SENP5: variants seen among roughly 807,000 people sequenced by gnomAD.
SENP5 encodes the protein SUMO specific peptidase 5.
Under a neutral mutation model 74.2 loss-of-function variants are expected in SENP5, and 21 were observed. The ratio of observed to expected loss-of-function variants is 0.28; its 90% CI spans 0.20 to 0.41. The LOEUF (loss-of-function observed/expected upper bound fraction) is 0.41, where lower values mean the gene tolerates loss of function less well. Ranked by LOEUF, SENP5 falls within the 10% of genes least tolerant of loss-of-function variation. SENP5 has a pLI of 1.00. For missense variants in SENP5, 717 were observed against 889.1 expected, an observed-to-expected ratio of 0.81 and a Z score of 2.46; for synonymous variants, 311 against 312.7, an observed-to-expected ratio of 0.99 and a Z score of 0.06.
chr3:196,929,986 A>AG (rs1560163680), intron 9 of SENP5, among the ~76,000 whole-genome samples: 1,225 of 98,706 alleles, frequency 0.012, 17 homozygotes, highest in African/African-American at 0.045. Context: ...TGGCATTTGC[A>AG]TAAAAAAAAA....
chr3:196,873,563 G>A (rs1474352767), intron 1 of SENP5, among the ~76,000 whole-genome samples: 6 of 151,924 alleles, frequency 3.9e-5, no homozygotes, highest in African/African-American at 9.7e-5. Context: ...CTTGGCAGCC[G>A]GGCGTGGTGG....
intron 2 of SENP5, among the ~76,000 whole-genome samples, chr3:196,887,184 A>G (rs1467408517): frequency 6.7e-6 from 1 of 148,902 alleles, no homozygotes; most frequent in Non-Finnish European, 1.5e-5. Flanking sequence ...TCCTTTGCCT[A>G]TTTTTCTTTT....
At chr3:196,895,190 CTTTTTT>C (rs35820067) in intron 2 of SENP5, among the ~76,000 whole-genome samples, 2 of 123,096 alleles carry the variant, frequency 1.6e-5, no homozygotes. Flanking sequence ...CTTTTAACTT[CTTTTTT>C]TTTTTTTTTT....
chr3:196,926,894 T>C (rs1715834967), intron 7 of SENP5, among the ~76,000 whole-genome samples: 1 of 152,154 alleles, frequency 6.6e-6, no homozygotes, highest in African/African-American at 2.4e-5. Flanking sequence ...TCCACCTGCC[T>C]CAGCCACCCA....
At chr3:196,918,953 A>C (rs1303073461) in intron 6 of SENP5, among the ~76,000 whole-genome samples, 1 of 140,200 alleles carries the variant, frequency 7.1e-6, no homozygotes, top group Non-Finnish European at 1.5e-5. Context: ...AAAAGGTCAG[A>C]CAATATAAAA....
chr3:196,894,803 G>T (rs1714371932), intron 2 of SENP5, among the ~76,000 whole-genome samples: 1 of 151,786 alleles, frequency 6.6e-6, no homozygotes, highest in Non-Finnish European at 1.5e-5. Flanking sequence ...TCACATTTTT[G>T]TCCCAAGGTA....
intron 1 of SENP5, among the ~76,000 whole-genome samples, chr3:196,881,896 GTTTTTTTT>G (rs11385462): frequency 2.3e-4 from 25 of 109,184 alleles, no homozygotes; most frequent in Admixed American, 4.3e-4. Context: ...GATAGTATTA[GTTTTTTTT>G]TTTTTTTTTT....
chr3:196,885,345 G>A lies in SENP5; in HGVS notation c.164G>A (p.Arg55Lys). The A allele has an allele frequency of 6.2e-7, 1 of 1,614,188 alleles. No individual in the cohort carries two copies. Among genetic ancestry groups the A allele is most frequent in the Non-Finnish European group, 8.5e-7 (1 of 1,180,028 alleles). The change falls in exon 2 of 10, where the codon AGA (arginine) becomes AAA (lysine). Residue 55 changes from arginine (R) to lysine (K), a missense_variant. Coordinates refer to ENST00000323460, the MANE Select transcript of SENP5 (RefSeq NM_152699.5). ...GRPVTWNRQLRHFQGRKKALQ... is the reference protein window; with the variant it reads ...GRPVTWNRQLKHFQGRKKALQ... ...CCAGTTACTTGGAATAGACAGTTGA[G>A]ACATTTCCAGGGTAGAAAGAAAGCT... is the stretch of plus-strand genomic sequence containing the variant.
chr3:196,909,067 A>C (rs894432910), intron 6 of SENP5, among the ~76,000 whole-genome samples: 1 of 152,208 alleles, frequency 6.6e-6, no homozygotes, highest in Non-Finnish European at 1.5e-5. Context: ...ATAAAAAATG[A>C]TAAAGGGGAT....
intron 2 of SENP5, among the ~76,000 whole-genome samples, chr3:196,889,591 T>C (rs1039957637): frequency 8.5e-5 from 13 of 152,128 alleles, no homozygotes; most frequent in African/African-American, 3.1e-4. Context: ...CTAAAGAATA[T>C]CAATCAGAAG....
At chr3:196,903,719 C>T in intron 6 of SENP5, 109 bp downstream of exon 6, 1 of 600,818 alleles carries the variant, frequency 1.7e-6, no homozygotes, top group East Asian at 2.9e-5. Context: ...TAGAAACAGA[C>T]TTTTTAATGT....
chr3:196,929,693 C>CA lies in SENP5; in HGVS notation c.2157+11dup. 9 of 1,600,424 alleles carry CA rather than the reference C, an allele frequency of 5.6e-6. No individual in the cohort carries two copies. Among genetic ancestry groups the CA allele is most frequent in the Non-Finnish European group, 7.7e-6 (9 of 1,169,204 alleles). ...AGTCTTTGTGCTCCAGGTAAAGAAA[C>CA]ACTTGCTTTTCGGAACTTACAATGT... On this transcript the variant is annotated intron_variant, in intron 9 of 9. Transcript: ENST00000323460.
rs948301440 is a variant in SENP5, at chr3:196,910,547, C to T, written c.1884+6937C>T. On this transcript the variant is annotated intron_variant, in intron 6 of 9. Transcript: ENST00000323460. ...ATTTTTAGTAGACACAGGGTTTCGCCGTGTTAGCCAGGATGGTCTCGATGT... is the reference window on the plus strand; with the variant it reads ...ATTTTTAGTAGACACAGGGTTTCGCTGTGTTAGCCAGGATGGTCTCGATGT... 6.6e-5 allele frequency among the ~76,000 whole-genome samples: 10 copies of T among 151,582 alleles called. 1 individual carries two copies. The highest frequency in any genetic ancestry group is 1.9e-4 in the African/African-American group (8 of 41,342).
At chr3:196,871,420 CAG>C (rs1461345974) in intron 1 of SENP5, among the ~76,000 whole-genome samples, 1 of 152,064 alleles carries the variant, frequency 6.6e-6, no homozygotes, top group Non-Finnish European at 1.5e-5. Context: ...ACTGATACTG[CAG>C]AGTTAACATT....
intron 1 of SENP5, among the ~76,000 whole-genome samples, chr3:196,873,449 G>T (rs1358889528): frequency 1.3e-5 from 2 of 151,968 alleles, no homozygotes; most frequent in Admixed American, 6.6e-5. Context: ...CTGTTGTTCG[G>T]TGTTCCATTT....
In SENP5 at chr3:196,907,362, TACTC is replaced by T. The variant is rs139306249; in HGVS notation, c.1884+3754_1884+3757del. 8.9e-3 allele frequency among the ~76,000 whole-genome samples: 1,343 copies of T among 150,882 alleles called. 20 individuals are homozygous for T. Among genetic ancestry groups the T allele is most frequent in the African/African-American group, 0.029 (1,186 of 41,056 alleles). On this transcript the variant is annotated intron_variant, in intron 6 of 9. Transcript: ENST00000323460. The stretch of plus-strand genomic sequence containing the variant: ...GGTGACGGATGCCTGTAGTCCCACT[TACTC>T]AGGAGACTGAACCCAGGAGGCGGAG...
At chr3:196,880,818 T>C (rs1713693625) in intron 1 of SENP5, among the ~76,000 whole-genome samples, 1 of 151,970 alleles carries the variant, frequency 6.6e-6, no homozygotes, top group Non-Finnish European at 1.5e-5. Context: ...TGTTTGTATT[T>C]TTAGTAGAGA....
At chr3:196,915,934 CAAG>C (rs1408545464) in intron 6 of SENP5, among the ~76,000 whole-genome samples, 1 of 152,142 alleles carries the variant, frequency 6.6e-6, no homozygotes, top group Non-Finnish European at 1.5e-5. Context: ...AAAGCCTTCT[CAAG>C]AAGGACAGAT....
chr3:196,916,904 T>A lies in SENP5; in HGVS notation c.1885-6510T>A, dbSNP rs4038600. Among the ~76,000 whole-genome samples, 6 of 152,040 alleles carry A rather than the reference T, an allele frequency of 3.9e-5. No homozygotes were observed. The East Asian group carries it at 1.2e-3, about 30-fold the overall frequency. ...ATCCCAGCATTTTGGGAGGCCTAGGTGGGTAGATCACTTGAGGCAAGGAGT... is the reference window on the plus strand; with the variant it reads ...ATCCCAGCATTTTGGGAGGCCTAGGAGGGTAGATCACTTGAGGCAAGGAGT... On this transcript the variant is annotated intron_variant, in intron 6 of 9. Coordinates refer to ENST00000323460, the MANE Select transcript of SENP5 (RefSeq NM_152699.5).
Sources: allele counts gnomAD v4.1 joint callset (sites outside exome capture counted in the v4.1 genomes callset), GRCh38; gene constraint gnomAD v4.1.1; transcripts MANE v1.5; gene names NCBI Gene and HGNC (gene_info 2026-07-23, HGNC 2026-07-21).